STK40: variants seen among roughly 807,000 people sequenced by gnomAD.
STK40 encodes serine/threonine kinase 40.
Under a neutral mutation model 47.9 loss-of-function variants are expected in STK40, and 13 were observed. The ratio of observed to expected loss-of-function variants is 0.27; its 90% CI spans 0.18 to 0.43. The LOEUF (loss-of-function observed/expected upper bound fraction) is 0.43, where lower values mean the gene tolerates loss of function less well. Among genes scored for constraint, STK40 ranks in the 20% least tolerant of loss-of-function variants. The pLI, the probability that STK40 is intolerant of heterozygous loss-of-function variation, is 1.00. For synonymous variants in STK40, 225 were observed against 243.2 expected (o/e 0.93, Z 0.69); for missense variants, 460 against 595.1 (o/e 0.77, Z 2.36).
intron 5 of STK40, among the ~76,000 whole-genome samples, chr1:36,354,720 T>C (rs1030668321): frequency 6.6e-6 from 1 of 152,128 alleles, no homozygotes; most frequent in Non-Finnish European, 1.5e-5. Context: ...CCATTAGACA[T>C]TCCATGGACA....
chr1:36,351,929 T>G (rs1463888799), intron 6 of STK40, among the ~76,000 whole-genome samples: 1 of 152,224 alleles, frequency 6.6e-6, no homozygotes, highest in Non-Finnish European at 1.5e-5. Context: ...GGAGGGCACA[T>G]GGGCTCTGCA....
chr1:36,353,446 G>A (rs534685817), intron 6 of STK40, among the ~76,000 whole-genome samples: 5 of 152,290 alleles, frequency 3.3e-5, no homozygotes, highest in Admixed American at 6.5e-5. Flanking sequence ...ATGACAACCT[G>A]AAACCAGGGC....
intron 4 of STK40, 31 bp downstream of exon 4, chr1:36,358,208 A>C (rs534887690): frequency 3.2e-6 from 5 of 1,545,402 alleles, no homozygotes; most frequent in Non-Finnish European, 4.4e-6. Context: ...GCCAGAGGTG[A>C]GCGCGAAGGG....
intron 7 of STK40, among the ~76,000 whole-genome samples, chr1:36,345,871 A>AGGCGACCTTCCCTGGGCT (rs1196009845): frequency 3.4e-4 from 51 of 150,014 alleles, no homozygotes; most frequent in Non-Finnish European, 6.3e-4. Flanking sequence ...TGACCTGGGC[A>AGGCGACCTTCCCTGGGCT]GGCGACCTTC....
intron 1 of STK40, among the ~76,000 whole-genome samples, chr1:36,371,433 A>G (rs989693510): frequency 6.6e-6 from 1 of 151,400 alleles, no homozygotes; most frequent in Non-Finnish European, 1.5e-5. Context: ...GGGCGCCTGT[A>G]GTGCCAGCTA....
At chr1:36,358,507 A>G (rs1646824714) in intron 3 of STK40, 125 bp from the exon 4 acceptor site, 1 of 1,340,082 alleles carries the variant, frequency 7.5e-7, no homozygotes, top group East Asian at 2.3e-5. Context: ...ACACACAAAC[A>G]CACCAAGTGA....
intron 1 of STK40, chr1:36,367,917 C>A: frequency 1.0e-6 from 1 of 985,018 alleles, no homozygotes; most frequent in Non-Finnish European, 1.2e-6. Context: ...GGTCTGTGGT[C>A]ATGCTCCAGT....
At chr1:36,349,287 G>A (rs888386193) in intron 6 of STK40, among the ~76,000 whole-genome samples, 2 of 152,180 alleles carry the variant, frequency 1.3e-5, no homozygotes, top group Non-Finnish European at 2.9e-5. Flanking sequence ...GGCTGGCCCC[G>A]AGCCACCTCC....
At chr1:36,367,156 T>C (rs988029379) in intron 1 of STK40, among the ~76,000 whole-genome samples, 3 of 152,098 alleles carry the variant, frequency 2.0e-5, no homozygotes, top group Non-Finnish European at 2.9e-5. Flanking sequence ...CCAACTCTTC[T>C]ACATTCTATC....
rs144662396 is a variant in STK40 at position 36,349,179 on chromosome 1, T to C, written c.624-364A>G. On this transcript the variant is annotated intron_variant, in intron 6 of 10. Transcript: ENST00000373132. ...AACAGCCTCACGTAATATTCTAGACTGGGAGTGACCTGAGATTTAGTTCAA... is the reference window on the plus strand; with the variant it reads ...AACAGCCTCACGTAATATTCTAGACCGGGAGTGACCTGAGATTTAGTTCAA... 6.6e-3 allele frequency among the ~76,000 whole-genome samples: 999 copies of C among 152,304 alleles called. 12 individuals carry two copies. The highest frequency in any genetic ancestry group is 0.023 in the African/African-American group (956 of 41,558).
At chr1:36,370,271 G>A (rs749117534) in intron 1 of STK40, among the ~76,000 whole-genome samples, 6 of 152,218 alleles carry the variant, frequency 3.9e-5, no homozygotes, top group African/African-American at 9.7e-5. Context: ...GGCCCTGTGC[G>A]GGAGAATCCC....
chr1:36,376,441 T>A (rs950847043), intron 1 of STK40, among the ~76,000 whole-genome samples: 1 of 152,192 alleles, frequency 6.6e-6, no homozygotes, highest in Non-Finnish European at 1.5e-5. Context: ...CAATGCCAGT[T>A]CCGGGGATGG....
At chr1:36,381,146 T>C (rs1266885588) in intron 1 of STK40, among the ~76,000 whole-genome samples, 1 of 152,154 alleles carries the variant, frequency 6.6e-6, no homozygotes, top group African/African-American at 2.4e-5. Flanking sequence ...CTCTCAGCCC[T>C]TGCTGGGATT....
intron 7 of STK40, among the ~76,000 whole-genome samples, chr1:36,347,169 C>A (rs1389975559): frequency 1.3e-5 from 2 of 152,162 alleles, no homozygotes; most frequent in Non-Finnish European, 2.9e-5. Context: ...GCTTGTATTA[C>A]AGCAGCCTGC....
In STK40 at chr1:36,341,717, A is replaced by T; in HGVS notation, c.*38T>A. On this transcript the variant is annotated 3_prime_UTR_variant, in exon 11 of 11. Coordinates refer to ENST00000373132, the MANE Select transcript of STK40 (RefSeq NM_001282547.2). ...AGCCACGCCTTTGGCTGGGGCTGGA[A>T]GAAGTGGCAGCAGTGCTGGTGGCCC... 6.2e-7 allele frequency: 1 copy of T among 1,602,776 alleles called. No individual in the cohort carries two copies. Among genetic ancestry groups the T allele is most frequent in the Non-Finnish European group, 8.5e-7 (1 of 1,173,336 alleles).
rs1028721562 is a variant in STK40 at position 36,379,481 on chromosome 1, A to G, written c.-9+6242T>C. On this transcript the variant is annotated intron_variant, in intron 1 of 10. Coordinates refer to ENST00000373132, the MANE Select transcript of STK40 (RefSeq NM_001282547.2). ...ACTGCAAGCTCCGCCTCCTGGGTTCACGCCATTCCCTGCCTCAGCCTCCCG... is the reference window on the plus strand; with the variant it reads ...ACTGCAAGCTCCGCCTCCTGGGTTCGCGCCATTCCCTGCCTCAGCCTCCCG... Among the ~76,000 whole-genome samples the G allele has an allele frequency of 6.0e-5, 9 of 150,024 alleles. No homozygotes were observed. In the South Asian group the frequency reaches 1.9e-3, roughly 32 times the overall value.
At chr1:36,379,746 A>AAT (rs1023968542) in intron 1 of STK40, among the ~76,000 whole-genome samples, 1 of 152,094 alleles carries the variant, frequency 6.6e-6, no homozygotes, top group Non-Finnish European at 1.5e-5. Context: ...CCTCAACCCA[A>AAT]AAGAACAGAT....
intron 5 of STK40, among the ~76,000 whole-genome samples, chr1:36,354,837 CT>C (rs1646788950): frequency 6.6e-6 from 1 of 152,182 alleles, no homozygotes; most frequent in South Asian, 2.1e-4. Context: ...CTCTCCTATC[CT>C]TTGTCCCAGC....
rs976322136 is a variant in STK40, at chr1:36,343,543, T to C, written c.1005-95A>G. 4.9e-6 allele frequency: 6 copies of C among 1,218,030 alleles called. No homozygotes were observed. The African/African-American group carries it at 9.1e-5, about 19-fold the overall frequency. The allele number at this position is 1,218,030 out of a possible 1,614,324, so 75.5% of individuals were successfully genotyped here. A position where few individuals can be genotyped will look rare whatever the true frequency, so the allele number is the denominator to read the frequency against. On this transcript the variant is annotated intron_variant, in intron 9 of 10. Coordinates refer to ENST00000373132, the MANE Select transcript of STK40 (RefSeq NM_001282547.2). ...GTCAGACACACCTGGGTTGTGTTCC[T>C]GCCATGAGAGACTGCTTCTCTGAGC...
Sources: allele counts gnomAD v4.1 joint callset (sites outside exome capture counted in the v4.1 genomes callset), GRCh38; gene constraint gnomAD v4.1.1; transcripts MANE v1.5; gene names NCBI Gene and HGNC (gene_info 2026-07-23, HGNC 2026-07-21).